Variants in LRRK1 observed in about 807,000 individuals in gnomAD.
LRRK1 encodes the protein leucine rich repeat kinase 1.
A neutral mutation model predicts 209.1 loss-of-function variants in LRRK1; 113 were observed. That is an observed-to-expected ratio of 0.54 (90% CI 0.46 to 0.63). The LOEUF (loss-of-function observed/expected upper bound fraction) is 0.63. LRRK1 is among the 30% of genes least tolerant of loss of function. The probability of loss-of-function intolerance (pLI) is 0.00; values close to 1 mark genes in which losing one functional copy is unlikely to be tolerated. For synonymous variants in LRRK1, 1,144 were observed against 1,099.7 expected (o/e 1.04, Z -0.80); for missense variants, 2,284 against 2,632.2 (o/e 0.87, Z 2.89).
intron 6 of LRRK1, among the ~76,000 whole-genome samples, chr15:100,995,925 C>T (rs984535192): frequency 3.3e-5 from 5 of 152,238 alleles, no homozygotes; most frequent in Admixed American, 6.5e-5. Context: ...TGGATCAGTT[C>T]CGGCATATGT....
chr15:100,945,334 T>C (rs2042514994), intron 2 of LRRK1, among the ~76,000 whole-genome samples: 1 of 152,190 alleles, frequency 6.6e-6, no homozygotes, highest in Admixed American at 6.5e-5. Context: ...TACCAAATGT[T>C]TGCTTTTTCC....
chr15:101,033,837 G>A (rs1275730789), intron 20 of LRRK1, among the ~76,000 whole-genome samples: 3 of 152,096 alleles, frequency 2.0e-5, no homozygotes, highest in African/African-American at 7.2e-5. Flanking sequence ...TTGAGAAATC[G>A]CCATACTATT....
intron 10 of LRRK1, 74 bp downstream of exon 10, chr15:101,012,219 T>C (rs901389473): frequency 5.0e-5 from 65 of 1,296,198 alleles, no homozygotes; most frequent in Non-Finnish European, 6.8e-5. Context: ...GTGAAATGTA[T>C]GTGCTTTTCC....
chr15:101,026,220 C>A, intron 17 of LRRK1, 83 bp downstream of exon 17: 1 of 1,405,644 alleles, frequency 7.1e-7, no homozygotes, highest in Non-Finnish European at 9.9e-7. Flanking sequence ...GCAGAGAGCT[C>A]CTGAGTCTGG....
Position 101,077,268 on chromosome 15 carries a change from A to C in LRRK1, c.*8420A>C, listed in dbSNP as rs2037018584. On this transcript the variant is annotated 3_prime_UTR_variant, in exon 34 of 34. Transcript: ENST00000388948. ...GACCAACTTGGACTGTGCCCCAAAA[A>C]ACTTGTCATCCCTACTATCTTCTGT... The C allele has an allele frequency of 1.3e-5, 2 of 152,144 alleles. No homozygotes were observed. The highest frequency in any genetic ancestry group is 2.4e-5 in the African/African-American group (1 of 41,414). The allele number at this position is 152,144 out of a possible 1,614,324, so 9.4% of individuals were successfully genotyped here. A position where few individuals can be genotyped will look rare whatever the true frequency, so the allele number is the denominator to read the frequency against.
rs531430334 is a variant in LRRK1, at chr15:100,974,964, T to C, written c.261+997T>C. 2.5e-4 allele frequency among the ~76,000 whole-genome samples: 38 copies of C among 152,324 alleles called. 1 individual carries two copies. The South Asian group carries it at 7.9e-3, about 32-fold the overall frequency. On this transcript the variant is annotated intron_variant, in intron 3 of 33. Transcript: ENST00000388948. ...GCTTAACATGCCTCCATTTAATTGATAGTTAGAATTCATTCAATTCCTAAA... is the reference window on the plus strand; with the variant it reads ...GCTTAACATGCCTCCATTTAATTGACAGTTAGAATTCATTCAATTCCTAAA...
intron 2 of LRRK1, among the ~76,000 whole-genome samples, chr15:100,972,345 A>AT (rs1288673000): frequency 1.5e-4 from 16 of 103,870 alleles, no homozygotes; most frequent in African/African-American, 6.2e-4. Flanking sequence ...TGAGAGAGAG[A>AT]GAGAGAGAGA....
At chr15:101,010,272 C>G (rs947009241) in intron 7 of LRRK1, among the ~76,000 whole-genome samples, 178 bp from the exon 8 acceptor site, 1 of 152,164 alleles carries the variant, frequency 6.6e-6, no homozygotes, top group African/African-American at 2.4e-5. Flanking sequence ...ACACAGGACA[C>G]AGTAAGAGTT....
At chr15:101,050,592 G>A in intron 23 of LRRK1, 1 of 153,682 alleles carries the variant, frequency 6.5e-6, no homozygotes, top group Non-Finnish European at 1.5e-5. Context: ...TGCCACCCCT[G>A]CAAGCCTCGG....
At chr15:100,985,414 T>C (rs2031816338) in intron 4 of LRRK1, among the ~76,000 whole-genome samples, 1 of 151,896 alleles carries the variant, frequency 6.6e-6, no homozygotes, top group African/African-American at 2.4e-5. Flanking sequence ...ACAGATAATT[T>C]TTTTAAAGAT....
At chr15:101,049,552 G>C in intron 22 of LRRK1, 92 bp from the exon 23 acceptor site, 1 of 1,460,328 alleles carries the variant, frequency 6.8e-7, no homozygotes, top group South Asian at 1.3e-5. Flanking sequence ...CAGGTCCCCG[G>C]GGGTTGGTTC....
intron 28 of LRRK1, 99 bp from the exon 29 acceptor site, chr15:101,057,891 C>A: frequency 7.7e-7 from 1 of 1,306,984 alleles, no homozygotes. Context: ...CAGAATCCCT[C>A]ATTCCTCCCT....
At position 101,011,235 on chromosome 15, in the gene LRRK1, A is replaced by G. The variant is rs574582570; in HGVS notation, c.1281+398A>G. Among the ~76,000 whole-genome samples, 181 of 152,110 alleles carry G rather than the reference A, an allele frequency of 1.2e-3. 2 individuals carry two copies. The highest frequency in any genetic ancestry group is 1.9e-3 in the Non-Finnish European group (132 of 67,954). ...TGTAATCCCAGCACTTTGGGAGGCC[A>G]AGGTAGGTGGATCACAAGGTCAGGA... On this transcript the variant is annotated intron_variant, in intron 9 of 33. Transcript: ENST00000388948.
At chr15:101,023,511 C>T (rs542726541) in intron 15 of LRRK1, among the ~76,000 whole-genome samples, 59 of 152,128 alleles carry the variant, frequency 3.9e-4, no homozygotes, top group Non-Finnish European at 8.1e-4. Flanking sequence ...GCTCGGGGAA[C>T]GAACACACAT....
At chr15:100,972,363 AGTGT>A (rs139709615) in intron 2 of LRRK1, among the ~76,000 whole-genome samples, 11,365 of 97,210 alleles carry the variant, frequency 0.12, 488 homozygotes, top group South Asian at 0.13. Flanking sequence ...AGAGAGAGAG[AGTGT>A]GTGTGTGTGT....
chr15:100,954,328 C>A (rs1001839549), intron 2 of LRRK1, among the ~76,000 whole-genome samples: 4 of 129,220 alleles, frequency 3.1e-5, no homozygotes, highest in African/African-American at 1.2e-4. Context: ...GGTCCTTTGC[C>A]CATTTTAAAA....
intron 2 of LRRK1, among the ~76,000 whole-genome samples, chr15:100,942,952 C>T (rs2141613008): frequency 6.6e-6 from 1 of 152,304 alleles, no homozygotes; most frequent in South Asian, 2.1e-4. Flanking sequence ...GCTTACTGAT[C>T]AACCCGTAGT....
chr15:101,066,140 G>C lies in LRRK1; in HGVS notation c.5703G>C (p.Glu1901Asp). The C allele has an allele frequency of 6.2e-7, 1 of 1,614,018 alleles. No homozygotes were observed. Among genetic ancestry groups the C allele is most frequent in the Non-Finnish European group, 8.5e-7 (1 of 1,180,022 alleles). The change falls in exon 32 of 34, where the codon GAG becomes GAC. Residue 1901 changes from glutamate (E) to aspartate (D), a missense_variant. Coordinates refer to ENST00000388948, the MANE Select transcript of LRRK1 (RefSeq NM_024652.6). ...SEHDLTPMDG[E>D]TFSQHLQAVK... ...ATGACCTGACCCCCATGGACGGGGA[G>C]ACCTTCAGCCAGCACCTGCAGGCCG...
At chr15:100,976,221 G>A (rs1198988149) in intron 3 of LRRK1, among the ~76,000 whole-genome samples, 2 of 152,140 alleles carry the variant, frequency 1.3e-5, no homozygotes, top group African/African-American at 4.8e-5. Context: ...TGGTTTTACT[G>A]GTGTGTTCTA....
Sources: gnomAD v4.1 joint callset for allele counts (sites outside exome capture counted in the v4.1 genomes callset) on GRCh38, gnomAD v4.1.1 for gene constraint, MANE v1.5 for transcripts, NCBI Gene and HGNC (gene_info 2026-07-23, HGNC 2026-07-21) for gene names.